The following MCTP2 variants were observed in gnomAD, a reference collection of about 807,000 sequenced individuals.
MCTP2 encodes multiple C2 and transmembrane domain-containing protein 2.
A neutral mutation model predicts 111.6 loss-of-function variants in MCTP2; 132 were observed. The ratio of observed to expected loss-of-function variants is 1.18; its 90% CI spans 1.03 to 1.37. The LOEUF (loss-of-function observed/expected upper bound fraction) is 1.37. Among genes scored for constraint, MCTP2 ranks in the 40% most tolerant of loss-of-function variants. The probability of loss-of-function intolerance (pLI) is 0.00; values close to 1 mark genes in which losing one functional copy is unlikely to be tolerated. For missense variants in MCTP2, 1,183 were observed against 1,067.9 expected (o/e 1.11, Z -1.50); for synonymous variants, 395 against 387.7 (o/e 1.02, Z -0.22).
intron 8 of MCTP2, among the ~76,000 whole-genome samples, chr15:94,349,933 T>G (rs1596443219): frequency 2.0e-5 from 3 of 151,932 alleles, no homozygotes; most frequent in African/African-American, 7.3e-5. Flanking sequence ...TCCAAACTAT[T>G]TATTGTAGGA....
At chr15:94,285,661 GTGTC>G (rs2074716578) in intron 1 of MCTP2, among the ~76,000 whole-genome samples, 1 of 152,182 alleles carries the variant, frequency 6.6e-6, no homozygotes, top group African/African-American at 2.4e-5. Flanking sequence ...GGATGTGTAA[GTGTC>G]TGAATGTTTC....
At chr15:94,388,263 C>T (rs2080636625) in intron 14 of MCTP2, among the ~76,000 whole-genome samples, 1 of 152,292 alleles carries the variant, frequency 6.6e-6, no homozygotes, top group South Asian at 2.1e-4. Flanking sequence ...TGGGCCATTC[C>T]TTTCAGGGAC....
At chr15:94,292,022 C>T (rs1567339502) in intron 1 of MCTP2, among the ~76,000 whole-genome samples, 1 of 152,028 alleles carries the variant, frequency 6.6e-6, no homozygotes, top group Admixed American at 6.6e-5. Context: ...CTGATTTAGC[C>T]ACCACCTTAA....
At chr15:94,284,856 C>G (rs1170634456) in intron 1 of MCTP2, among the ~76,000 whole-genome samples, 2 of 152,082 alleles carry the variant, frequency 1.3e-5, no homozygotes, top group Non-Finnish European at 2.9e-5. Context: ...CACTAAAAGG[C>G]CTTTACAACT....
At chr15:94,340,741 G>A (rs569502228) in intron 6 of MCTP2, 72 bp from the exon 7 acceptor site, 3 of 859,124 alleles carry the variant, frequency 3.5e-6, no homozygotes, top group East Asian at 2.6e-5. Context: ...TTTACCATAA[G>A]CTCCTGATGC....
At chr15:94,462,108 C>T (rs755422489) in intron 20 of MCTP2, among the ~76,000 whole-genome samples, 2 of 152,166 alleles carry the variant, frequency 1.3e-5, no homozygotes, top group Non-Finnish European at 2.9e-5. Context: ...TTTGTCCAAG[C>T]CTTGGAAACA....
Position 94,235,428 on chromosome 15 carries a change from C to A in MCTP2, c.-66+3764C>A, listed in dbSNP as rs147458558. On this transcript the variant is annotated intron_variant, in intron 1 of 22. Coordinates refer to ENST00000357742, the MANE Select transcript of MCTP2 (RefSeq NM_001385001.1). ...CACAGTAATCTGTGCTTTAAGAAGC[C>A]CTCCGGATGATTCTGGTGCATGCTA... Among the ~76,000 whole-genome samples, 422 of 152,082 alleles carry A rather than the reference C, an allele frequency of 2.8e-3. 1 individual carries two copies. The highest frequency in any genetic ancestry group is 9.8e-3 in the African/African-American group (407 of 41,466).
At chr15:94,405,574 G>A (rs1186497389) in intron 17 of MCTP2, among the ~76,000 whole-genome samples, 1 of 152,196 alleles carries the variant, frequency 6.6e-6, no homozygotes, top group African/African-American at 2.4e-5. Context: ...ATTTATCACT[G>A]CTACACTTAC....
rs537216497 is a variant in MCTP2, at chr15:94,293,550, G to A, written c.-65-4651G>A. ...TCAACTGAAAGGACTTGGCCCCAGA[G>A]GGCCGGCCTTACTCCAGGCCACGGT... On this transcript the variant is annotated intron_variant, in intron 1 of 22. Transcript: ENST00000357742. 1.3e-4 allele frequency among the ~76,000 whole-genome samples: 20 copies of A among 152,304 alleles called. No homozygotes were observed. In the South Asian group the frequency reaches 4.1e-3, roughly 32 times the overall value.
intron 1 of MCTP2, among the ~76,000 whole-genome samples, chr15:94,252,075 G>A (rs1482147160): frequency 1.3e-5 from 2 of 152,308 alleles, no homozygotes; most frequent in African/African-American, 4.8e-5. Context: ...AGTGCTGCTA[G>A]GAACATCGGT....
intron 1 of MCTP2, among the ~76,000 whole-genome samples, chr15:94,295,549 A>G (rs2075235276): frequency 6.6e-6 from 1 of 152,152 alleles, no homozygotes; most frequent in African/African-American, 2.4e-5. Context: ...CTGAGTCTTC[A>G]GCAGCAGCCG....
intron 17 of MCTP2, among the ~76,000 whole-genome samples, chr15:94,404,596 G>C (rs2081803467): frequency 6.6e-6 from 1 of 152,080 alleles, no homozygotes; most frequent in Non-Finnish European, 1.5e-5. Context: ...ACCGCACCTG[G>C]CCTCCGTTTC....
intron 17 of MCTP2, among the ~76,000 whole-genome samples, chr15:94,439,291 T>C (rs2083645878): frequency 6.6e-6 from 1 of 152,114 alleles, no homozygotes; most frequent in Non-Finnish European, 1.5e-5. Flanking sequence ...GATGCAGTAA[T>C]TTGCCTTTTC....
At chr15:94,403,923 A>G (rs1596601777) in intron 17 of MCTP2, among the ~76,000 whole-genome samples, 1 of 152,324 alleles carries the variant, frequency 6.6e-6, no homozygotes, top group African/African-American at 2.4e-5. Context: ...GACATTTCTC[A>G]TTGGACACCA....
At chr15:94,397,011 T>C (rs2081315662) in intron 14 of MCTP2, among the ~76,000 whole-genome samples, 1 of 152,238 alleles carries the variant, frequency 6.6e-6, no homozygotes, top group Non-Finnish European at 1.5e-5. Context: ...TTAGAAAGGA[T>C]GCCTGCCAAA....
chr15:94,370,750 A>T (rs556739138), intron 12 of MCTP2, among the ~76,000 whole-genome samples: 6 of 152,282 alleles, frequency 3.9e-5, no homozygotes, highest in Non-Finnish European at 7.4e-5. Flanking sequence ...GCTCTGCTGC[A>T]CGTAGAGTAA....
intron 1 of MCTP2, among the ~76,000 whole-genome samples, chr15:94,259,237 T>C: frequency 6.6e-6 from 1 of 152,152 alleles, no homozygotes; most frequent in East Asian, 1.9e-4. Flanking sequence ...AAGAAAAGTT[T>C]GCTAAAGGTC....
intron 3 of MCTP2, 57 bp downstream of exon 3, chr15:94,314,401 GT>G: frequency 8.4e-7 from 1 of 1,193,820 alleles, no homozygotes. Flanking sequence ...CTCATCAAAT[GT>G]TTGGGTTTGT....
At chr15:94,263,676 C>A (rs1350357914) in intron 1 of MCTP2, among the ~76,000 whole-genome samples, 2 of 152,164 alleles carry the variant, frequency 1.3e-5, no homozygotes, top group Non-Finnish European at 2.9e-5. Context: ...AAAAACACAG[C>A]ATTAAATAGA....
Sources: gnomAD v4.1 joint callset for allele counts (sites outside exome capture counted in the v4.1 genomes callset) on GRCh38, gnomAD v4.1.1 for gene constraint, MANE v1.5 for transcripts, NCBI Gene and HGNC (gene_info 2026-07-23, HGNC 2026-07-21) for gene names.